Variants in GALNT13 observed in about 807,000 individuals in gnomAD.
The protein encoded by GALNT13 is polypeptide N-acetylgalactosaminyltransferase 13.
A neutral mutation model predicts 64.2 loss-of-function variants in GALNT13; 28 were observed. The observed-to-expected ratio is 0.44, with a 90% CI of 0.32 to 0.60. The LOEUF (loss-of-function observed/expected upper bound fraction) is 0.60, where lower values mean the gene tolerates loss of function less well. GALNT13 is among the 20% of genes least tolerant of loss of function. The pLI, the probability that GALNT13 is intolerant of heterozygous loss-of-function variation, is 0.05. For missense variants in GALNT13, 577 were observed against 669.8 expected (o/e 0.86, Z 1.53); for synonymous variants, 214 against 224.6 (o/e 0.95, Z 0.42).
At chr2:153,352,161 A>G in the GALNT13 span, among the ~76,000 whole-genome samples, 1 of 152,162 alleles carries the variant, frequency 6.6e-6, no homozygotes, top group Non-Finnish European at 1.5e-5. Flanking sequence ...TCTAATAGGT[A>G]TATAATATCT....
the GALNT13 span, among the ~76,000 whole-genome samples, chr2:153,829,323 A>G: frequency 2.0e-5 from 3 of 152,160 alleles, no homozygotes; most frequent in Admixed American, 1.3e-4. Context: ...TACAAAAGAA[A>G]GAGGTTTAAT....
At chr2:153,186,170 G>A in the GALNT13 span, among the ~76,000 whole-genome samples, 4 of 152,092 alleles carry the variant, frequency 2.6e-5, no homozygotes, top group Admixed American at 6.5e-5. Flanking sequence ...ATTTAGGAGA[G>A]TTAGCTCTTC....
At chr2:154,018,110 A>G (rs1697129487) in intron 3 of GALNT13, among the ~76,000 whole-genome samples, 1 of 152,222 alleles carries the variant, frequency 6.6e-6, no homozygotes, top group Non-Finnish European at 1.5e-5. Flanking sequence ...TTAGGAATTC[A>G]ATGGCAGTAG....
chr2:153,517,753 T>C, the GALNT13 span, among the ~76,000 whole-genome samples: 421 of 152,290 alleles, frequency 2.8e-3, 2 homozygotes, highest in African/African-American at 9.6e-3. Flanking sequence ...GTAACACATA[T>C]TGTAGATAAA....
intron 3 of GALNT13, among the ~76,000 whole-genome samples, chr2:153,956,483 AG>A (rs1558873751): frequency 6.6e-6 from 1 of 152,168 alleles, no homozygotes; most frequent in Non-Finnish European, 1.5e-5. Flanking sequence ...ATAACATGCT[AG>A]AATGTTCTGA....
the GALNT13 span, among the ~76,000 whole-genome samples, chr2:153,286,856 A>G: frequency 6.6e-6 from 1 of 152,212 alleles, no homozygotes; most frequent in Non-Finnish European, 1.5e-5. Context: ...TGAATGAACC[A>G]GTATCCAGAA....
chr2:153,354,663 T>C, the GALNT13 span, among the ~76,000 whole-genome samples: 1 of 152,186 alleles, frequency 6.6e-6, no homozygotes, highest in African/African-American at 2.4e-5. Context: ...CAGAGCTTGT[T>C]TACCATCTCC....
the GALNT13 span, among the ~76,000 whole-genome samples, chr2:153,719,508 G>A: frequency 2.6e-5 from 4 of 152,178 alleles, no homozygotes; most frequent in African/African-American, 4.8e-5. Context: ...CAGCTTGAGC[G>A]ACGCAGAAGA....
chr2:153,733,396 A>G, the GALNT13 span, among the ~76,000 whole-genome samples: 1 of 152,152 alleles, frequency 6.6e-6, no homozygotes, highest in Non-Finnish European at 1.5e-5. Flanking sequence ...ATTCATATGC[A>G]GCTACTAACA....
the GALNT13 span, among the ~76,000 whole-genome samples, chr2:153,155,064 C>T: frequency 4.3e-4 from 66 of 152,294 alleles, no homozygotes; most frequent in Non-Finnish European, 5.9e-5. Flanking sequence ...ACCTTGCATC[C>T]TGTGGATGAA....
the GALNT13 span, among the ~76,000 whole-genome samples, chr2:153,327,188 T>A: frequency 5.3e-5 from 8 of 152,218 alleles, no homozygotes; most frequent in African/African-American, 1.9e-4. Flanking sequence ...TCTGATGGGC[T>A]TCCCTCTGTG....
intron 4 of GALNT13, among the ~76,000 whole-genome samples, chr2:154,198,885 G>A (rs1197035678): frequency 6.6e-6 from 1 of 151,964 alleles, no homozygotes; most frequent in Non-Finnish European, 1.5e-5. Context: ...ACAGTTACTA[G>A]AGTAATATAG....
chr2:154,146,791 C>T (rs1330381618), intron 4 of GALNT13, among the ~76,000 whole-genome samples: 1 of 143,168 alleles, frequency 7.0e-6, no homozygotes, highest in East Asian at 2.0e-4. Flanking sequence ...AGTTTCCCTC[C>T]TGCATTACAG....
At chr2:154,140,817 C>T (rs1043235950) in intron 4 of GALNT13, among the ~76,000 whole-genome samples, 4 of 152,050 alleles carry the variant, frequency 2.6e-5, no homozygotes, top group African/African-American at 4.8e-5. Context: ...AGCAAATATG[C>T]TCTTTAGTAG....
At chr2:154,028,091 A>G (rs1698095101) in intron 3 of GALNT13, among the ~76,000 whole-genome samples, 1 of 152,154 alleles carries the variant, frequency 6.6e-6, no homozygotes, top group Non-Finnish European at 1.5e-5. Flanking sequence ...TAAACTTTTC[A>G]GTAATGCTGA....
the GALNT13 span, among the ~76,000 whole-genome samples, chr2:153,779,089 C>T: frequency 1.3e-5 from 2 of 152,090 alleles, no homozygotes; most frequent in South Asian, 2.1e-4. Flanking sequence ...TGTTTGTGAG[C>T]TCCTAATACA....
At chr2:153,224,486 A>G in the GALNT13 span, among the ~76,000 whole-genome samples, 2 of 65,310 alleles carry the variant, frequency 3.1e-5, no homozygotes, top group Non-Finnish European at 6.8e-5. Flanking sequence ...ATCTAAAATA[A>G]AAGTTGAATT....
At chr2:153,523,862 G>T in the GALNT13 span, among the ~76,000 whole-genome samples, 3 of 152,152 alleles carry the variant, frequency 2.0e-5, no homozygotes, top group Non-Finnish European at 4.4e-5. Flanking sequence ...GTGGTGAGAT[G>T]ACCTTGTTCC....
the GALNT13 span, among the ~76,000 whole-genome samples, chr2:153,848,080 G>A: frequency 3.9e-4 from 59 of 152,284 alleles, 1 homozygote; most frequent in African/African-American, 1.3e-3. Context: ...GGCCATTCAA[G>A]TATTCCCAAG....
Sources: allele counts gnomAD v4.1 joint callset (sites outside exome capture counted in the v4.1 genomes callset), GRCh38; gene constraint gnomAD v4.1.1; transcripts MANE v1.5; gene names NCBI Gene and HGNC (gene_info 2026-07-23, HGNC 2026-07-21).